The following PCTP variants were observed in gnomAD, a reference collection of about 807,000 sequenced individuals.
PCTP encodes the protein phosphatidylcholine transfer protein, also known as START domain-containing protein 2.
In PCTP, 27 loss-of-function variants were observed where a neutral mutation model predicts 31.0. That is an observed-to-expected ratio of 0.87 (90% CI 0.64 to 1.20). PCTP has a LOEUF of 1.20. Ranked by LOEUF, PCTP falls within the 50% of genes most tolerant of loss-of-function variation. The pLI, the probability that PCTP is intolerant of heterozygous loss-of-function variation, is 0.00. For missense variants in PCTP, 287 were observed against 268.2 expected (o/e 1.07, Z -0.49); for synonymous variants, 108 against 101.2 (o/e 1.07, Z -0.40).
At chr17:55,751,329 G>A in intron 1 of PCTP, 85 bp downstream of exon 1, 3 of 1,515,938 alleles carry the variant, frequency 2.0e-6, no homozygotes, top group Non-Finnish European at 2.6e-6. Flanking sequence ...CGGCAGTCGC[G>A]GAAGGGACAG....
At chr17:55,772,610 G>C (rs1227395249) in intron 3 of PCTP, among the ~76,000 whole-genome samples, 1 of 151,892 alleles carries the variant, frequency 6.6e-6, no homozygotes, top group African/African-American at 2.4e-5. Context: ...ACTGAGGTGG[G>C]TGGAGGCTGA....
At chr17:55,843,498 T>C (rs7212663), downstream of PCTP, among the ~76,000 whole-genome samples, 50,701 of 152,010 alleles carry the variant, frequency 0.33, 9,090 homozygotes, top group African/African-American at 0.48. Flanking sequence ...CCGTGGTGTT[T>C]CATGCGGCAG....
At chr17:55,818,234 G>A (rs187242636) in intron 3 of PCTP, among the ~76,000 whole-genome samples, 2 of 152,084 alleles carry the variant, frequency 1.3e-5, no homozygotes, top group Admixed American at 1.3e-4. Context: ...AGCATGTCTT[G>A]GGTGGGTAGG....
At chr17:55,825,509 G>A (rs1567731925), downstream of PCTP, among the ~76,000 whole-genome samples, 1 of 152,220 alleles carries the variant, frequency 6.6e-6, no homozygotes, top group Non-Finnish European at 1.5e-5. Context: ...CATCGCCTTA[G>A]GGCCTATCAC....
rs140981103 is a variant in PCTP, at chr17:55,777,102, G to T, written c.*1002G>T. 3,680 of 985,820 alleles carry T rather than the reference G, an allele frequency of 3.7e-3. 6 individuals are homozygous for T. Among genetic ancestry groups the T allele is most frequent in the Non-Finnish European group, 4.2e-3 (3,486 of 829,916 alleles). The allele number at this position is 985,820 out of a possible 1,614,324, so 61.1% of individuals were successfully genotyped here. On this transcript the variant is annotated 3_prime_UTR_variant, in exon 6 of 6. Transcript: ENST00000268896. ...CTCAGGAATTCTGCCTAAGTTGTCT[G>T]CCTTTTCTACCACCAAAAAGACTTT... is the stretch of plus-strand genomic sequence containing the variant.
chr17:55,834,356 G>C (rs1905707737), intron 5 of PCTP, among the ~76,000 whole-genome samples: 1 of 151,830 alleles, frequency 6.6e-6, no homozygotes, highest in Admixed American at 6.6e-5. Context: ...CCCTCTCCCT[G>C]CTCCACCCCC....
At chr17:55,763,989 G>A (rs1365029143) in intron 1 of PCTP, among the ~76,000 whole-genome samples, 2 of 152,196 alleles carry the variant, frequency 1.3e-5, no homozygotes, top group Non-Finnish European at 2.9e-5. Context: ...CGAAGGGAAT[G>A]TTTAAAGGAA....
At chr17:55,781,330 T>C (rs116607516), downstream of PCTP, among the ~76,000 whole-genome samples, 668 of 152,356 alleles carry the variant, frequency 4.4e-3, 7 homozygotes, top group African/African-American at 0.015. Flanking sequence ...TCCCCAACTT[T>C]TGTGAAATTT....
chr17:55,755,231 A>G (rs1157176044), intron 1 of PCTP, among the ~76,000 whole-genome samples: 1 of 152,060 alleles, frequency 6.6e-6, no homozygotes, highest in African/African-American at 2.4e-5. Flanking sequence ...TGTGCATAGC[A>G]TGCTTGCCAC....
At chr17:55,790,272 C>A (rs984409778) in intron 3 of PCTP, among the ~76,000 whole-genome samples, 5 of 151,918 alleles carry the variant, frequency 3.3e-5, no homozygotes, top group African/African-American at 1.2e-4. Context: ...CTCACCACTC[C>A]TATTCAACAT....
intron 1 of PCTP, among the ~76,000 whole-genome samples, chr17:55,753,024 T>C (rs1909794828): frequency 6.6e-6 from 1 of 152,240 alleles, no homozygotes; most frequent in African/African-American, 2.4e-5. Flanking sequence ...GTGCTGGGAT[T>C]ACAGGGATGA....
At chr17:55,787,695 T>C (rs1281082213) in intron 3 of PCTP, 1 of 152,180 alleles carries the variant, frequency 6.6e-6, no homozygotes, top group South Asian at 2.1e-4. Flanking sequence ...TGTATGTTTT[T>C]ATAGGTCATC....
At chr17:55,794,595 T>C (rs1425035217) in intron 3 of PCTP, among the ~76,000 whole-genome samples, 2 of 152,012 alleles carry the variant, frequency 1.3e-5, no homozygotes, top group African/African-American at 4.8e-5. Flanking sequence ...CAATTTAAAT[T>C]ATAAAAGAAG....
chr17:55,781,288 C>G (rs202076428), downstream of PCTP, among the ~76,000 whole-genome samples: 46 of 152,346 alleles, frequency 3.0e-4, no homozygotes, highest in East Asian at 3.1e-3. Context: ...TGCTTTGCCT[C>G]AGGCTACTCT....
intron 3 of PCTP, among the ~76,000 whole-genome samples, chr17:55,816,091 T>C (rs1178284269): frequency 6.6e-6 from 1 of 152,216 alleles, no homozygotes; most frequent in Non-Finnish European, 1.5e-5. Context: ...TTAACAGCTT[T>C]ATTGAGATAT....
At chr17:55,751,268 C>G in intron 1 of PCTP, 24 bp downstream of exon 1, 1 of 1,529,162 alleles carries the variant, frequency 6.5e-7, no homozygotes. Flanking sequence ...CGCTGGAGGA[C>G]CGCGGGGCCT....
intron 5 of PCTP, among the ~76,000 whole-genome samples, chr17:55,839,568 G>T (rs1905891255): frequency 6.6e-6 from 1 of 152,192 alleles, no homozygotes; most frequent in Non-Finnish European, 1.5e-5. Context: ...GGGTGGAAAA[G>T]CATGGAGCTA....
downstream of PCTP, among the ~76,000 whole-genome samples, chr17:55,843,604 C>G (rs1480151360): frequency 6.6e-6 from 1 of 152,188 alleles, no homozygotes; most frequent in Non-Finnish European, 1.5e-5. Flanking sequence ...TTCTTCTAAC[C>G]TTTCTTTCTC....
chr17:55,775,207 AGACAGACT>A (rs1010009911), intron 5 of PCTP: 8 of 1,277,132 alleles, frequency 6.3e-6, no homozygotes, highest in Non-Finnish European at 9.9e-7. Context: ...CTGGGGAATA[AGACAGACT>A]GACCTGGCTT....
Sources: allele counts gnomAD v4.1 joint callset (sites outside exome capture counted in the v4.1 genomes callset), GRCh38; gene constraint gnomAD v4.1.1; transcripts MANE v1.5; gene names NCBI Gene and HGNC (gene_info 2026-07-23, HGNC 2026-07-21).